PABPC4L: variants seen among roughly 807,000 people sequenced by gnomAD.
PABPC4L encodes the protein poly(A) binding protein cytoplasmic 4 like.
For missense variants in PABPC4L, 452 were observed against 451.4 expected (o/e 1.00, Z -0.01); for synonymous variants, 169 against 164.1 (o/e 1.03, Z -0.23).
At chr4:134,177,181 C>CT in the PABPC4L span, among the ~76,000 whole-genome samples, 439 of 103,130 alleles carry the variant, frequency 4.3e-3, 8 homozygotes, top group African/African-American at 0.017. Flanking sequence ...TTTTTCTTTT[C>CT]TTTTCTTTTT....
the PABPC4L span, among the ~76,000 whole-genome samples, chr4:133,955,104 C>T: frequency 6.6e-6 from 1 of 151,836 alleles, no homozygotes; most frequent in Non-Finnish European, 1.5e-5. Context: ...AAAAATTGAT[C>T]ACTCAAGTCA....
At chr4:134,081,262 A>G in the PABPC4L span, among the ~76,000 whole-genome samples, 1 of 152,138 alleles carries the variant, frequency 6.6e-6, no homozygotes, top group African/African-American at 2.4e-5. Flanking sequence ...AGTCCAGCCA[A>G]ACCTGTGGCT....
the PABPC4L span, among the ~76,000 whole-genome samples, chr4:134,139,791 T>C: frequency 6.6e-6 from 1 of 151,666 alleles, no homozygotes; most frequent in African/African-American, 2.4e-5. Flanking sequence ...CAAACAAAAT[T>C]GCTATGGTGT....
At chr4:134,100,410 T>C in the PABPC4L span, among the ~76,000 whole-genome samples, 1 of 151,642 alleles carries the variant, frequency 6.6e-6, no homozygotes, top group African/African-American at 2.4e-5. Context: ...TAAGATTCAA[T>C]GAACTAAAAC....
At chr4:134,176,170 T>C in the PABPC4L span, among the ~76,000 whole-genome samples, 5 of 152,136 alleles carry the variant, frequency 3.3e-5, no homozygotes, top group Non-Finnish European at 7.4e-5. Context: ...TAAATACATG[T>C]TAAATGTCAG....
the PABPC4L span, among the ~76,000 whole-genome samples, chr4:134,065,645 A>AT: frequency 6.6e-6 from 1 of 151,084 alleles, no homozygotes; most frequent in East Asian, 1.9e-4. Flanking sequence ...TGACTTTTTT[A>AT]TTTTTTTCGC....
chr4:134,014,346 G>A, the PABPC4L span, among the ~76,000 whole-genome samples: 2 of 152,146 alleles, frequency 1.3e-5, no homozygotes, highest in African/African-American at 4.8e-5. Context: ...TCCACTGTGA[G>A]ACAAACCCCA....
the PABPC4L span, among the ~76,000 whole-genome samples, chr4:134,175,468 A>T: frequency 9.9e-5 from 15 of 151,896 alleles, no homozygotes; most frequent in Admixed American, 9.8e-4. Flanking sequence ...AATTAATTTG[A>T]GACAGGGTCT....
chr4:134,168,925 A>G, the PABPC4L span, among the ~76,000 whole-genome samples: 1 of 152,090 alleles, frequency 6.6e-6, no homozygotes, highest in Non-Finnish European at 1.5e-5. Flanking sequence ...TCATAAACTC[A>G]AACTCATTTC....
the PABPC4L span, among the ~76,000 whole-genome samples, chr4:134,019,833 T>C: frequency 6.6e-6 from 1 of 152,086 alleles, no homozygotes; most frequent in Admixed American, 6.6e-5. Flanking sequence ...CAACCCAAGA[T>C]TGATGAAAGA....
At chr4:134,176,253 A>C in the PABPC4L span, among the ~76,000 whole-genome samples, 1 of 152,112 alleles carries the variant, frequency 6.6e-6, no homozygotes, top group African/African-American at 2.4e-5. Context: ...TTATATTAAT[A>C]GATAAATGAT....
At chr4:133,985,100 G>GAA in the PABPC4L span, among the ~76,000 whole-genome samples, 1 of 151,842 alleles carries the variant, frequency 6.6e-6, no homozygotes, top group Non-Finnish European at 1.5e-5. Flanking sequence ...AATAAACCAA[G>GAA]AAAACGTTAC....
downstream of PABPC4L, among the ~76,000 whole-genome samples, chr4:134,195,461 A>C (rs1295657563): frequency 6.6e-6 from 1 of 151,794 alleles, no homozygotes; most frequent in Non-Finnish European, 1.5e-5. Flanking sequence ...CAATAATTAT[A>C]TCTGCCACTT....
At chr4:134,136,866 C>G in the PABPC4L span, among the ~76,000 whole-genome samples, 1 of 151,952 alleles carries the variant, frequency 6.6e-6, no homozygotes, top group Non-Finnish European at 1.5e-5. Context: ...TCTTGTCATC[C>G]TTCCCACTGA....
chr4:134,077,496 T>C, the PABPC4L span, among the ~76,000 whole-genome samples: 2 of 152,202 alleles, frequency 1.3e-5, no homozygotes, highest in Admixed American at 1.3e-4. Flanking sequence ...ATAGAATGAC[T>C]GACCTTGTTA....
chr4:134,017,912 G>A, the PABPC4L span, among the ~76,000 whole-genome samples: 8 of 151,718 alleles, frequency 5.3e-5, no homozygotes, highest in East Asian at 7.8e-4. Context: ...CAAAATTTTC[G>A]CCGTCCCAAC....
At chr4:134,095,680 A>T in the PABPC4L span, among the ~76,000 whole-genome samples, 1 of 151,930 alleles carries the variant, frequency 6.6e-6, no homozygotes, top group East Asian at 1.9e-4. Context: ...ATTTTATCTT[A>T]GTTGCTTTAT....
At chr4:133,978,297 G>T in the PABPC4L span, among the ~76,000 whole-genome samples, 1 of 152,098 alleles carries the variant, frequency 6.6e-6, no homozygotes, top group Admixed American at 6.6e-5. Context: ...ATGGGTAGTA[G>T]AAAAGAGAGA....
chr4:134,200,151 C>T lies in PABPC4L; in HGVS notation c.869G>A (p.Cys290Tyr). 6.4e-7 allele frequency: 1 copy of T among 1,551,710 alleles called. No individual in the cohort carries two copies. Among genetic ancestry groups the T allele is most frequent in the Non-Finnish European group, 8.7e-7 (1 of 1,146,978 alleles). Residue 290 changes from cysteine (C) to tyrosine (Y), a missense_variant, in exon 2 of 2, where the codon TGC becomes TAC. Coordinates refer to ENST00000421491, the MANE Select transcript of PABPC4L (RefSeq NM_001114734.2). ...CTTAATATAGAGTTTTACCCCCTGG[C>T]ACCCACGAATTCGTTCCCTTTTCAG... is the stretch of plus-strand genomic sequence containing the variant. The part of the protein sequence containing the change: ...EQLKRERIRG[C>Y]QGVKLYIKNL...
Sources: gnomAD v4.1 joint callset for allele counts (sites outside exome capture counted in the v4.1 genomes callset) on GRCh38, gnomAD v4.1.1 for gene constraint, MANE v1.5 for transcripts, NCBI Gene and HGNC (gene_info 2026-07-23, HGNC 2026-07-21) for gene names.